Variants in CDK14 observed in about 807,000 individuals in gnomAD.
The protein encoded by CDK14 is cyclin-dependent kinase 14.
CDK14 carries 34 observed loss-of-function variants against 60.7 expected under a neutral mutation model. That is an observed-to-expected ratio of 0.56 (90% confidence interval 0.43 to 0.75). CDK14 has a LOEUF of 0.75. Among genes scored for constraint, CDK14 ranks in the 30% least tolerant of loss-of-function variants. The probability of loss-of-function intolerance (pLI) is 0.00; values close to 1 mark genes in which losing one functional copy is unlikely to be tolerated. For synonymous variants in CDK14, 197 were observed against 203.7 expected (o/e 0.97, Z 0.28); for missense variants, 482 against 564.1 (o/e 0.85, Z 1.47).
At chr7:91,115,511 A>T (rs1041864760) in intron 13 of CDK14, among the ~76,000 whole-genome samples, 2 of 152,152 alleles carry the variant, frequency 1.3e-5, no homozygotes, top group African/African-American at 2.4e-5. Flanking sequence ...GCTTCAACAG[A>T]TGAATTTGAG....
chr7:90,703,019 GTT>G (rs11439141), intron 2 of CDK14, among the ~76,000 whole-genome samples: 1 of 147,060 alleles, frequency 6.8e-6, no homozygotes, highest in Non-Finnish European at 1.5e-5. Flanking sequence ...TTGTTGTTTT[GTT>G]TTTTTTTTCC....
chr7:91,170,667 A>G (rs1036425108), intron 14 of CDK14, among the ~76,000 whole-genome samples: 1 of 152,222 alleles, frequency 6.6e-6, no homozygotes, highest in Non-Finnish European at 1.5e-5. Flanking sequence ...ACAATGAAGA[A>G]TACCAAATAA....
intron 6 of CDK14, among the ~76,000 whole-genome samples, chr7:90,868,969 T>G (rs1160231595): frequency 6.6e-6 from 1 of 152,200 alleles, no homozygotes; most frequent in Admixed American, 6.5e-5. Context: ...CTAAGGTATG[T>G]ATGATGTTAG....
intron 10 of CDK14, among the ~76,000 whole-genome samples, chr7:91,043,192 G>A (rs1253901953): frequency 6.6e-6 from 1 of 152,172 alleles, no homozygotes; most frequent in Non-Finnish European, 1.5e-5. Flanking sequence ...ATATGGATGA[G>A]GATAATGCCT....
chr7:90,900,690 G>A (rs950530555), intron 7 of CDK14, among the ~76,000 whole-genome samples: 5 of 152,156 alleles, frequency 3.3e-5, no homozygotes, highest in African/African-American at 1.2e-4. Context: ...GAGCTCAGAA[G>A]TCTACCAGCC....
At chr7:91,112,206 A>G (rs1173620112) in intron 12 of CDK14, among the ~76,000 whole-genome samples, 1 of 152,130 alleles carries the variant, frequency 6.6e-6, no homozygotes, top group Non-Finnish European at 1.5e-5. Context: ...GGTATAGTAC[A>G]TAGATTCTAT....
chr7:90,695,364 A>C (rs781512413), intron 2 of CDK14, among the ~76,000 whole-genome samples: 5 of 152,230 alleles, frequency 3.3e-5, no homozygotes, highest in Admixed American at 1.3e-4. Flanking sequence ...TAAAAGTAAT[A>C]AACAATTGAA....
chr7:91,023,735 A>G (rs999924813), intron 10 of CDK14, among the ~76,000 whole-genome samples: 1 of 152,120 alleles, frequency 6.6e-6, no homozygotes, highest in Non-Finnish European at 1.5e-5. Context: ...ATTCCATAAA[A>G]GGAAAGTGGT....
At chr7:91,013,555 A>AAAATTTG (rs2115828979) in intron 10 of CDK14, among the ~76,000 whole-genome samples, 1 of 152,180 alleles carries the variant, frequency 6.6e-6, no homozygotes, top group East Asian at 1.9e-4. Context: ...TGGCACTAAG[A>AAAATTTG]AAATTTGAGC....
At chr7:90,776,150 G>A (rs974712732) in intron 4 of CDK14, among the ~76,000 whole-genome samples, 1 of 152,094 alleles carries the variant, frequency 6.6e-6, no homozygotes, top group Non-Finnish European at 1.5e-5. Flanking sequence ...GATTTTTCCT[G>A]TGCTTTGCCT....
At chr7:90,826,533 A>G (rs1277689228) in intron 5 of CDK14, among the ~76,000 whole-genome samples, 2 of 152,122 alleles carry the variant, frequency 1.3e-5, no homozygotes, top group Non-Finnish European at 1.5e-5. Flanking sequence ...GTTTATTTTT[A>G]AAGAACTCAG....
intron 10 of CDK14, among the ~76,000 whole-genome samples, chr7:91,001,084 T>C (rs994510874): frequency 6.6e-5 from 10 of 152,218 alleles, no homozygotes; most frequent in Admixed American, 2.0e-4. Context: ...AATTAATCTT[T>C]ACCTTTGTGC....
intron 9 of CDK14, among the ~76,000 whole-genome samples, chr7:90,980,730 G>A (rs368880390): frequency 7.8e-4 from 119 of 152,138 alleles, no homozygotes; most frequent in African/African-American, 2.4e-3. Flanking sequence ...AAAAGATGAC[G>A]TCATAGGAAA....
intron 10 of CDK14, among the ~76,000 whole-genome samples, chr7:91,022,131 A>G (rs1399659380): frequency 6.6e-6 from 1 of 152,150 alleles, no homozygotes. Flanking sequence ...CAGGCAGGAA[A>G]GTGCCAGAGG....
chr7:90,923,107 CTT>C (rs1319576107), intron 8 of CDK14, among the ~76,000 whole-genome samples: 15 of 129,346 alleles, frequency 1.2e-4, no homozygotes, highest in South Asian at 2.5e-4. Context: ...CCCTAAACAT[CTT>C]TTTTTTTTTT....
At chr7:90,769,270 T>G (rs1029822227) in intron 4 of CDK14, among the ~76,000 whole-genome samples, 7 of 152,164 alleles carry the variant, frequency 4.6e-5, no homozygotes, top group African/African-American at 1.7e-4. Flanking sequence ...ATTGCTCATT[T>G]TGGGTGAAAA....
chr7:91,080,788 A>G (rs1423244571), intron 12 of CDK14, among the ~76,000 whole-genome samples: 1 of 152,198 alleles, frequency 6.6e-6, no homozygotes, highest in African/African-American at 2.4e-5. Flanking sequence ...CTAAACCTAC[A>G]TTTAAAGTAA....
chr7:90,668,702 T>A (rs1330610973), intron 2 of CDK14, among the ~76,000 whole-genome samples: 104 of 14,496 alleles, frequency 7.2e-3, no homozygotes, highest in Non-Finnish European at 0.01. Flanking sequence ...TCGCATTCTT[T>A]TTTTTTTTTT....
chr7:90,633,127 A>G (rs1278081842), intron 2 of CDK14, among the ~76,000 whole-genome samples: 2 of 152,050 alleles, frequency 1.3e-5, no homozygotes, highest in Admixed American at 6.6e-5. Flanking sequence ...TGCAGTGTAC[A>G]TAGGTATGCA....
Sources: allele counts gnomAD v4.1 joint callset (sites outside exome capture counted in the v4.1 genomes callset), GRCh38; gene constraint gnomAD v4.1.1; transcripts MANE v1.5; gene names NCBI Gene and HGNC (gene_info 2026-07-23, HGNC 2026-07-21).